WDR43: variants seen among roughly 807,000 people sequenced by gnomAD.
The protein encoded by WDR43 is WD repeat domain 43, also known as WD repeat-containing protein 43.
In WDR43, 13 loss-of-function variants were observed where a neutral mutation model predicts 91.4. The observed-to-expected ratio is 0.14, with a 90% CI of 0.09 to 0.23. The LOEUF (loss-of-function observed/expected upper bound fraction) is 0.23. Ranked by LOEUF, WDR43 falls within the 10% of genes least tolerant of loss-of-function variation. The pLI is 1.00. For synonymous variants in WDR43, 331 were observed against 287.9 expected (o/e 1.15, Z -1.51); for missense variants, 780 against 809.4 (o/e 0.96, Z 0.44).
At chr2:28,938,098 A>G (rs1027460489) in intron 14 of WDR43, 104 bp downstream of exon 14, 3 of 1,250,546 alleles carry the variant, frequency 2.4e-6, no homozygotes, top group South Asian at 1.4e-5. Flanking sequence ...TTCCCCATCT[A>G]TCCTTCAGCC....
chr2:28,915,482 T>G (rs536520643), intron 5 of WDR43, among the ~76,000 whole-genome samples: 1 of 152,346 alleles, frequency 6.6e-6, no homozygotes, highest in South Asian at 2.1e-4. Flanking sequence ...CTACAAAATT[T>G]CATTAAATAA....
At chr2:28,931,995 C>T (rs1180385184) in intron 11 of WDR43, among the ~76,000 whole-genome samples, 2 of 151,692 alleles carry the variant, frequency 1.3e-5, no homozygotes, top group Non-Finnish European at 2.9e-5. Context: ...GCCACCTCAG[C>T]CTCCTGAGTA....
At position 28,941,362 on chromosome 2, in the gene WDR43, G is replaced by A. The variant is rs1174854057; in HGVS notation, c.1621-99G>A. 6.1e-6 allele frequency: 5 copies of A among 818,914 alleles called. No homozygotes were observed. The African/African-American group carries it at 6.8e-5, about 11-fold the overall frequency. 50.7% of individuals were successfully genotyped at this position (818,914 alleles called of 1,614,324 possible). On this transcript the variant is annotated intron_variant, in intron 14 of 17. Coordinates refer to ENST00000407426, the MANE Select transcript of WDR43 (RefSeq NM_015131.3). The stretch of plus-strand genomic sequence containing the variant: ...TGGGAGTACTTGTAAGCAGATGTGT[G>A]TGGTGCAGTGGCTAAATACTGAGGC...
At chr2:28,919,477 A>G (rs1010192565) in intron 6 of WDR43, among the ~76,000 whole-genome samples, 3 of 152,098 alleles carry the variant, frequency 2.0e-5, no homozygotes, top group Admixed American at 2.0e-4. Context: ...GACCACGGTG[A>G]AACCCTGTCT....
rs770548522 is a variant in WDR43 at position 28,925,149 on chromosome 2, G to A, written c.1082G>A (p.Arg361Gln). 3.3e-5 allele frequency: 53 copies of A among 1,611,888 alleles called. No individual in the cohort carries two copies. The highest frequency in any genetic ancestry group is 4.2e-5 in the Non-Finnish European group (50 of 1,178,914). The change falls in exon 8 of 18, where the codon CGA (arginine) becomes CAA (glutamine). Residue 361 changes from arginine (R) to glutamine (Q), a missense_variant. Arg to Gln is a conservative substitution (Grantham distance 43). Around this residue, in one of 4 missense-constraint regions of WDR43, gnomAD observed 426 missense variants for 467.8 expected, o/e 0.91. Coordinates refer to ENST00000407426, the MANE Select transcript of WDR43 (RefSeq NM_015131.3). ...YGSWFQPTIE[R>Q]VALNSREPHM... The stretch of plus-strand genomic sequence containing the variant: ...AGTTGGTTTCAGCCTACTATTGAGC[G>A]AGTGGTACGTAGCTGCTACTCTGGA...
intron 8 of WDR43, among the ~76,000 whole-genome samples, 163 bp from the exon 9 acceptor site, chr2:28,926,305 G>T (rs754142903): frequency 5.6e-4 from 85 of 152,100 alleles, no homozygotes; most frequent in Non-Finnish European, 1.0e-3. Flanking sequence ...GGTGATCGTG[G>T]TTAACAATTG....
At chr2:28,913,253 C>T (rs1002647972) in intron 4 of WDR43, among the ~76,000 whole-genome samples, 9 of 152,144 alleles carry the variant, frequency 5.9e-5, no homozygotes, top group East Asian at 1.9e-4. Flanking sequence ...CGCGCCCAGC[C>T]GAAACAAGGT....
chr2:28,938,947 G>C (rs1434021803), intron 14 of WDR43, among the ~76,000 whole-genome samples: 2 of 151,492 alleles, frequency 1.3e-5, no homozygotes, highest in East Asian at 2.0e-4. Context: ...TGGTGAGAGG[G>C]GTTTTGGGAG....
At chr2:28,916,611 C>A (rs1240906270) in intron 5 of WDR43, among the ~76,000 whole-genome samples, 1 of 151,822 alleles carries the variant, frequency 6.6e-6, no homozygotes, top group Non-Finnish European at 1.5e-5. Context: ...CCCTATAACC[C>A]CGAACACCTA....
rs1670861296 is a variant in WDR43, at chr2:28,914,170, C to G, written c.708C>G (p.Phe236Leu). The G allele has an allele frequency of 6.2e-7, 1 of 1,613,746 alleles. No individual in the cohort carries two copies. The highest frequency in any genetic ancestry group is 2.2e-5 in the East Asian group (1 of 44,886). Residue 236 changes from phenylalanine to leucine, a missense_variant, in exon 5 of 18, where the codon TTC (phenylalanine) becomes TTG (leucine). Physicochemically the swap from Phe to Leu is conservative, Grantham distance 22 (BLOSUM62 0). Transcript: ENST00000407426. ...TTGATGGAATTACAGGTCTTTATTT[C>G]TTATCTGGAGCAGTACATGACCGGT... Reference protein sequence around the residue: ...QPFDGITGLYFLSGAVHDRLL... With the variant: ...QPFDGITGLYLLSGAVHDRLL...
At chr2:28,916,863 A>G (rs1254052812) in intron 5 of WDR43, among the ~76,000 whole-genome samples, 67 of 152,170 alleles carry the variant, frequency 4.4e-4, no homozygotes, top group Non-Finnish European at 5.9e-5. Context: ...TCATTAATAT[A>G]TAAAACCTTG....
At chr2:28,904,285 A>G (rs917701380) in intron 2 of WDR43, among the ~76,000 whole-genome samples, 3 of 152,172 alleles carry the variant, frequency 2.0e-5, no homozygotes, top group Admixed American at 1.3e-4. Flanking sequence ...TACTAGTTGT[A>G]TGATCATGTG....
intron 4 of WDR43, chr2:28,913,760 C>T (rs1241001735): frequency 1.8e-6 from 1 of 556,370 alleles, no homozygotes; most frequent in Admixed American, 1.9e-5. Flanking sequence ...CAAAGTATGC[C>T]TTTTAAAATG....
At chr2:28,916,792 CTATT>C (rs1052425874) in intron 5 of WDR43, among the ~76,000 whole-genome samples, 12 of 151,962 alleles carry the variant, frequency 7.9e-5, no homozygotes, top group Non-Finnish European at 1.0e-4. Context: ...TTTTTTTCAT[CTATT>C]TATTTTTTTG....
chr2:28,912,789 ATTATT>A (rs1454673680), intron 4 of WDR43, 79 bp downstream of exon 4: 3 of 1,536,342 alleles, frequency 2.0e-6, no homozygotes, highest in East Asian at 2.3e-5. Flanking sequence ...ACCATAAGAT[ATTATT>A]TTAAGAATAC....
Position 28,931,606 on chromosome 2 carries a change from G to T in WDR43, c.1437+1896G>T, listed in dbSNP as rs181425102. 2.9e-4 allele frequency among the ~76,000 whole-genome samples: 44 copies of T among 150,166 alleles called. No homozygotes were observed. In the East Asian group the frequency reaches 8.6e-3, roughly 29 times the overall value. Reference sequence around the variant, plus strand: ...TTAGATCTAGAAGCTTGAAGATCTAGATCTAGTTCTGGTTAGATCTATAAG... The same window carrying T: ...TTAGATCTAGAAGCTTGAAGATCTATATCTAGTTCTGGTTAGATCTATAAG... On this transcript the variant is annotated intron_variant, in intron 11 of 17. Transcript: ENST00000407426.
intron 15 of WDR43, 35 bp downstream of exon 15, chr2:28,941,609 T>C (rs1347862413): frequency 2.0e-6 from 3 of 1,506,312 alleles, no homozygotes; most frequent in East Asian, 4.6e-5. Flanking sequence ...CTAAAACTTT[T>C]GGACATGGTA....
chr2:28,921,351 C>T (rs945083611), intron 6 of WDR43, among the ~76,000 whole-genome samples: 1 of 152,010 alleles, frequency 6.6e-6, no homozygotes, highest in Non-Finnish European at 1.5e-5. Flanking sequence ...TGGTCTTGAT[C>T]TCTTGACCTT....
intron 16 of WDR43, among the ~76,000 whole-genome samples, chr2:28,943,307 T>C (rs1401486159): frequency 6.6e-6 from 1 of 152,148 alleles, no homozygotes; most frequent in East Asian, 1.9e-4. Context: ...CAATTTTCTT[T>C]TTTTAAAGGT....
Sources: gnomAD v4.1 joint callset for allele counts (sites outside exome capture counted in the v4.1 genomes callset) on GRCh38, gnomAD v4.1.1 for gene constraint, gnomAD v4.1.1 regional missense constraint, MANE v1.5 for transcripts, NCBI Gene and HGNC (gene_info 2026-07-23, HGNC 2026-07-21) for gene names.